IMPG2: variants seen among roughly 807,000 people sequenced by gnomAD.
The protein encoded by IMPG2 is IPM 200.
In IMPG2, 91 loss-of-function variants were observed where a neutral mutation model predicts 129.2. The ratio of observed to expected loss-of-function variants is 0.70; its 90% CI spans 0.59 to 0.84. The LOEUF (loss-of-function observed/expected upper bound fraction) is 0.84, where lower values mean the gene tolerates loss of function less well. Ranked by LOEUF, IMPG2 falls within the 40% of genes least tolerant of loss-of-function variation. The pLI, the probability that IMPG2 is intolerant of heterozygous loss-of-function variation, is 0.00. For synonymous variants in IMPG2, 510 were observed against 517.7 expected (o/e 0.99, Z 0.20); for missense variants, 1,430 against 1,461.7 (o/e 0.98, Z 0.35).
chr3:101,312,939 G>A (rs1363739724), intron 2 of IMPG2, among the ~76,000 whole-genome samples: 1 of 151,958 alleles, frequency 6.6e-6, no homozygotes, highest in Non-Finnish European at 1.5e-5. Context: ...GAGGGGGAAG[G>A]GAGATAAAAG....
rs1559638773 is a variant in IMPG2 at position 101,229,565 on chromosome 3, GGCTGTCAGGCTGCCT to G, written c.3433_3447del (p.Arg1145_Ser1149del). ...TTCACAGCATTCTCAATAGATGAGA[GGCTGTCAGGCTGCCT>G]GCTGGAGCCACTAAAAGAAAGATAT... is the stretch of plus-strand genomic sequence containing the variant. On this transcript the variant is annotated inframe_deletion, in exon 17 of 19. Transcript: ENST00000193391. 1 of 1,613,984 alleles carries G rather than the reference GGCTGTCAGGCTGCCT, an allele frequency of 6.2e-7. No individual in the cohort carries two copies. The highest frequency in any genetic ancestry group is 1.7e-5 in the Admixed American group (1 of 60,012).
In IMPG2 at chr3:101,304,168, T is replaced by G. The variant is rs1225026414; in HGVS notation, c.479A>C (p.Glu160Ala). Residue 160 changes from glutamate (E) to alanine (A), a missense_variant, in exon 3 of 19, where the codon GAA becomes GCA. Transcript: ENST00000193391. ...TACCTTCATGATTAAGCTTCTATGTTCCACAGATTCACTAAAATTTGTGCC... is the reference window on the plus strand; with the variant it reads ...TACCTTCATGATTAAGCTTCTATGTGCCACAGATTCACTAAAATTTGTGCC... Reference protein sequence around the residue: ...EMGTNFSESVEHRSLIMKKLT... With the variant: ...EMGTNFSESVAHRSLIMKKLT... 7 of 1,613,874 alleles carry G rather than the reference T, an allele frequency of 4.3e-6. No homozygotes were observed. In the South Asian group the frequency reaches 4.4e-5, roughly 10 times the overall value.
chr3:101,233,147 C>T (rs546664353), intron 14 of IMPG2, among the ~76,000 whole-genome samples, 156 bp from the exon 15 acceptor site: 1 of 152,268 alleles, frequency 6.6e-6, no homozygotes, highest in East Asian at 1.9e-4. Flanking sequence ...CACACAAAAA[C>T]TCTCACTCAT....
chr3:101,267,300 T>C (rs115800814), intron 9 of IMPG2, among the ~76,000 whole-genome samples: 1 of 152,196 alleles, frequency 6.6e-6, no homozygotes, highest in Non-Finnish European at 1.5e-5. Context: ...AATTGAGTAG[T>C]TGCAACAGAG....
chr3:101,240,082 A>C (rs1389851032), intron 14 of IMPG2, among the ~76,000 whole-genome samples: 1 of 151,980 alleles, frequency 6.6e-6, no homozygotes, highest in Non-Finnish European at 1.5e-5. Flanking sequence ...AAAAAAACTG[A>C]AGTAAATGTA....
At chr3:101,261,063 C>T (rs1706664129) in intron 9 of IMPG2, among the ~76,000 whole-genome samples, 1 of 152,094 alleles carries the variant, frequency 6.6e-6, no homozygotes, top group Admixed American at 6.6e-5. Context: ...TTCGTATTAG[C>T]TTCATATATT....
At position 101,257,475 on chromosome 3, in the gene IMPG2, G is replaced by T. The variant is rs916201305; in HGVS notation, c.1153+54C>A. On this transcript the variant is annotated intron_variant, in intron 10 of 18. Coordinates refer to ENST00000193391, the MANE Select transcript of IMPG2 (RefSeq NM_016247.4). ...TATTTCAGGAAATTAGTTTACACCA[G>T]AGCATACTGGAAAAGAAACTATACA... 1.9e-6 allele frequency: 3 copies of T among 1,601,364 alleles called. No individual in the cohort carries two copies. In the African/African-American group the frequency reaches 4.0e-5, roughly 21 times the overall value.
At chr3:101,265,932 C>CA (rs1706717024) in intron 9 of IMPG2, among the ~76,000 whole-genome samples, 1 of 151,834 alleles carries the variant, frequency 6.6e-6, no homozygotes. Context: ...TAGAAATGGC[C>CA]AAAAAATATA....
Position 101,285,285 on chromosome 3 carries a change from G to C in IMPG2, c.533+6194C>G, listed in dbSNP as rs528485943. Among the ~76,000 whole-genome samples the C allele has an allele frequency of 1.2e-4, 18 of 152,238 alleles. No homozygotes were observed. In the East Asian group the frequency reaches 2.9e-3, roughly 24 times the overall value. ...AGAGTACTGCCAGTGTGCACCAAAA[G>C]GATAATGCTGCGCTAGGCCACATCC... On this transcript the variant is annotated intron_variant, in intron 4 of 18. Transcript: ENST00000193391.
At chr3:101,271,357 T>C (rs1432684931) in intron 7 of IMPG2, among the ~76,000 whole-genome samples, 1 of 152,188 alleles carries the variant, frequency 6.6e-6, no homozygotes, top group East Asian at 1.9e-4. Context: ...CCCATCTTAG[T>C]GTAGGCTTTG....
Position 101,320,467 on chromosome 3 carries a change from C to G in IMPG2, c.-95G>C. 1.3e-6 allele frequency: 1 copy of G among 763,596 alleles called. No homozygotes were observed. Among genetic ancestry groups the G allele is most frequent in the South Asian group, 1.5e-5 (1 of 65,752 alleles). 47.3% of individuals were successfully genotyped at this position (763,596 alleles called of 1,614,324 possible). Reference sequence around the variant, plus strand: ...CAATAACAAAGAGTTATAGGAAAGACCTAACATTTAAAAGTCTATGTTTGA... The same window carrying G: ...CAATAACAAAGAGTTATAGGAAAGAGCTAACATTTAAAAGTCTATGTTTGA... On this transcript the variant is annotated 5_prime_UTR_variant, in exon 1 of 19. Transcript: ENST00000193391.
intron 2 of IMPG2, among the ~76,000 whole-genome samples, chr3:101,317,568 C>G (rs1326327962): frequency 6.6e-6 from 1 of 152,050 alleles, no homozygotes; most frequent in Non-Finnish European, 1.5e-5. Context: ...CAAAATCAAG[C>G]AAGACCTATG....
Position 101,243,995 on chromosome 3 carries a change from T to C in IMPG2, c.2336A>G (p.Glu779Gly). The change falls in exon 13 of 19, where the codon GAA becomes GGA. Residue 779 changes from glutamate (E) to glycine (G), a missense_variant. Physicochemically the swap from Glu to Gly is moderately conservative, Grantham distance 98. Coordinates refer to ENST00000193391, the MANE Select transcript of IMPG2 (RefSeq NM_016247.4). ...AGTTCTTGTCCAAACTCTCTCTGAT[T>C]CTGGCAATATAGTCCACAAAGTTTG... is the stretch of plus-strand genomic sequence containing the variant. Reference protein sequence around the residue: ...DMQTLWTILPESERVWTRTSS... With the variant: ...DMQTLWTILPGSERVWTRTSS... 6.2e-7 allele frequency: 1 copy of C among 1,614,214 alleles called. No individual in the cohort carries two copies. The highest frequency in any genetic ancestry group is 8.5e-7 in the Non-Finnish European group (1 of 1,180,030).
At chr3:101,274,665 C>T (rs972568686) in intron 6 of IMPG2, among the ~76,000 whole-genome samples, 12 of 152,194 alleles carry the variant, frequency 7.9e-5, no homozygotes, top group African/African-American at 2.9e-4. Flanking sequence ...TGGATATTAA[C>T]GTTCCAATTG....
At position 101,267,300 on chromosome 3, in the gene IMPG2, T is replaced by A. The variant is rs115800814; in HGVS notation, c.908+211A>T. 5.6e-3 allele frequency among the ~76,000 whole-genome samples: 860 copies of A among 152,312 alleles called. 10 individuals carry two copies. The highest frequency in any genetic ancestry group is 0.02 in the African/African-American group (830 of 41,570). On this transcript the variant is annotated intron_variant, in intron 9 of 18. Transcript: ENST00000193391. ...ACCTGATAGTGGCAGAATTGAGTAG[T>A]TGCAACAGAGACTATATGGCCTACA... is the stretch of plus-strand genomic sequence containing the variant.
intron 2 of IMPG2, among the ~76,000 whole-genome samples, chr3:101,315,690 ATCTGTATTAAGATGGCAAT>A (rs1441184925): frequency 6.6e-6 from 1 of 152,158 alleles, no homozygotes; most frequent in Non-Finnish European, 1.5e-5. Context: ...GAAATAGTCA[ATCTGTATTAAGATGGCAAT>A]TCTCCCCAAA....
At chr3:101,285,083 A>C (rs983459119) in intron 4 of IMPG2, among the ~76,000 whole-genome samples, 2 of 152,226 alleles carry the variant, frequency 1.3e-5, no homozygotes, top group Non-Finnish European at 2.9e-5. Context: ...ATCCTGTAAA[A>C]ATTTCATAGG....
Position 101,245,847 on chromosome 3 carries a change from C to T in IMPG2, c.1498G>A (p.Val500Met), listed in dbSNP as rs1706470336. The T allele has an allele frequency of 1.2e-5, 20 of 1,614,204 alleles. No homozygotes were observed. The East Asian group carries it at 3.3e-4, about 27-fold the overall frequency. The stretch of plus-strand genomic sequence containing the variant: ...CCAGAAGTCCTTTCCTCAGAAGCCA[C>T]AGGCAAGCCAGTCTGAAGCACTGCC... ...TPAVLQTGLP[V>M]ASEERTSGSH... Residue 500 changes from valine to methionine, a missense_variant, in exon 12 of 19, where the codon GTG becomes ATG. Transcript: ENST00000193391.
intron 11 of IMPG2, among the ~76,000 whole-genome samples, chr3:101,249,794 C>CA (rs11393591): frequency 0.23 from 21,498 of 92,512 alleles, 1,646 homozygotes; most frequent in Middle Eastern, 0.27. Context: ...TGATTCATGT[C>CA]AAAAAAAAAA....
Sources: allele counts gnomAD v4.1 joint callset (sites outside exome capture counted in the v4.1 genomes callset), GRCh38; gene constraint gnomAD v4.1.1; transcripts MANE v1.5; gene names NCBI Gene and HGNC (gene_info 2026-07-23, HGNC 2026-07-21).